Variants in MED21 observed in about 807,000 individuals in gnomAD.
MED21 encodes mediator complex subunit 21.
MED21 carries 9 observed loss-of-function variants against 18.2 expected under a neutral mutation model. That is an observed-to-expected ratio of 0.49 (90% confidence interval 0.30 to 0.86). The LOEUF is 0.86. MED21 is among the 40% of genes least tolerant of loss of function. The pLI is 0.07. For synonymous variants in MED21, 73 were observed against 60.5 expected (o/e 1.21, Z -0.96); for missense variants, 150 against 170.9 (o/e 0.88, Z 0.68).
intron 1 of MED21, 140 bp downstream of exon 1, chr12:27,022,761 G>GGCGC (rs1418477813): frequency 3.2e-6 from 5 of 1,545,852 alleles, no homozygotes; most frequent in Non-Finnish European, 4.4e-6. Context: ...TCTCTCGGGA[G>GGCGC]GCGCCACCGC....
downstream of MED21, among the ~76,000 whole-genome samples, chr12:27,032,935 G>A (rs183966591): frequency 6.6e-6 from 1 of 152,288 alleles, no homozygotes; most frequent in East Asian, 1.9e-4. Context: ...CTAGCCACCA[G>A]GAAGGACATT....
downstream of MED21, among the ~76,000 whole-genome samples, chr12:27,032,299 G>A (rs1320833970): frequency 3.9e-5 from 6 of 152,148 alleles, no homozygotes; most frequent in Admixed American, 3.9e-4. Context: ...TTGGGGGCTG[G>A]GCAAGGTAAC....
At chr12:27,024,723 C>G (rs1018318332) in intron 1 of MED21, among the ~76,000 whole-genome samples, 4 of 152,162 alleles carry the variant, frequency 2.6e-5, no homozygotes, top group African/African-American at 4.8e-5. Flanking sequence ...TGAGTGCCTA[C>G]TGTGTGTAAG....
chr12:27,023,309 T>TTTTTTTTTTTTTTTTTC, intron 1 of MED21, among the ~76,000 whole-genome samples: 1 of 145,746 alleles, frequency 6.9e-6, no homozygotes, highest in Non-Finnish European at 1.5e-5. Flanking sequence ...TCTTTTTTTT[T>TTTTTTTTTTTTTTTTTC]TTTTTTTTAC....
At chr12:27,026,302 G>C in intron 1 of MED21, 118 bp from the exon 2 acceptor site, 1 of 602,268 alleles carries the variant, frequency 1.7e-6, no homozygotes, top group Non-Finnish European at 2.9e-6. Flanking sequence ...ACTCCTTTCT[G>C]TTTTATTCCC....
At position 27,030,110 on chromosome 12, in the gene MED21, A is replaced by G. The variant is rs1391713794; in HGVS notation, c.*1649A>G. On this transcript the variant is annotated 3_prime_UTR_variant, in exon 4 of 4. Coordinates refer to ENST00000282892, the MANE Select transcript of MED21 (RefSeq NM_004264.5). The stretch of plus-strand genomic sequence containing the variant: ...AACGTTGTTGTATGTGATTCTCTGT[A>G]GAGGATATACAGTTTTTTTTTGTTG... 5.2e-6 allele frequency: 3 copies of G among 580,422 alleles called. No individual in the cohort carries two copies. Among genetic ancestry groups the G allele is most frequent in the Non-Finnish European group, 9.3e-6 (3 of 321,350 alleles). The allele number at this position is 580,422 out of a possible 1,614,324, so 36.0% of individuals were successfully genotyped here. A position where few individuals can be genotyped will look rare whatever the true frequency, so the allele number is the denominator to read the frequency against.
chr12:27,028,143 T>G (rs1461202690), intron 3 of MED21, 142 bp from the exon 4 acceptor site: 1 of 1,105,316 alleles, frequency 9.0e-7, no homozygotes, highest in African/African-American at 1.6e-5. Context: ...GGAAAATTCT[T>G]AAAAGTTGTC....
downstream of MED21, among the ~76,000 whole-genome samples, chr12:27,035,129 C>G (rs1941641363): frequency 6.6e-6 from 1 of 152,104 alleles, no homozygotes; most frequent in African/African-American, 2.4e-5. Flanking sequence ...TCGCTTAAGC[C>G]TGGGAGGTAC....
downstream of MED21, among the ~76,000 whole-genome samples, chr12:27,034,401 A>G (rs1352883368): frequency 6.6e-6 from 1 of 152,186 alleles, no homozygotes; most frequent in African/African-American, 2.4e-5. Context: ...CAGCCTGGGC[A>G]ACAAGGGCAA....
downstream of MED21, among the ~76,000 whole-genome samples, chr12:27,033,760 AAAG>A (rs1941633419): frequency 6.6e-6 from 1 of 152,244 alleles, no homozygotes. Context: ...TCAGGAGTCA[AAAG>A]AAGAAATCAG....
intron 2 of MED21, among the ~76,000 whole-genome samples, chr12:27,036,773 C>G (rs1311424630): frequency 4.6e-5 from 7 of 152,104 alleles, no homozygotes; most frequent in Admixed American, 1.3e-4. Flanking sequence ...ATTTCTGAGG[C>G]CTCTGTTCTG....
rs775113307 is a variant in MED21, at chr12:27,026,506, CA to C, written c.132del (p.Asp45ThrfsTer17). On this transcript the variant is annotated frameshift_variant, in exon 2 of 4. Coordinates refer to ENST00000282892, the MANE Select transcript of MED21 (RefSeq NM_004264.5). LOFTEE classifies it high-confidence loss of function. The part of the protein sequence containing the change: ...SFNNIQTAIN[K>X]DQPANPTEEY... ...TCAATAATATTCAGACAGCAATTAA[CA>C]AAGACCAGCCAGCTAACCCTACAGA... The C allele has an allele frequency of 1.2e-6, 2 of 1,613,542 alleles. No homozygotes were observed.
chr12:27,024,221 T>C (rs747397462), intron 1 of MED21, among the ~76,000 whole-genome samples: 2 of 152,210 alleles, frequency 1.3e-5, no homozygotes, highest in Admixed American at 6.5e-5. Context: ...TGATTGTGAT[T>C]TAATGTCCTA....
intron 1 of MED21, among the ~76,000 whole-genome samples, chr12:27,025,619 A>G (rs995755547): frequency 1.4e-4 from 22 of 152,194 alleles, no homozygotes; most frequent in African/African-American, 5.3e-4. Flanking sequence ...ATCTGAAGTT[A>G]GATTGGTTGA....
downstream of MED21, among the ~76,000 whole-genome samples, chr12:27,032,033 C>T (rs1565481904): frequency 2.0e-5 from 3 of 152,188 alleles, no homozygotes; most frequent in African/African-American, 7.2e-5. Context: ...GGACCAAAAA[C>T]GACGGATGTG....
In MED21 at chr12:27,028,386, C is replaced by T. The variant is rs548820731; in HGVS notation, c.360C>T (p.Ser120=). ...RGDMLLEKIQ[S]ALADIAQSQL... ...ACATGCTTCTGGAGAAGATACAAAGCGCACTTGCTGATATTGCACAGTCAC... is the reference window on the plus strand; with the variant it reads ...ACATGCTTCTGGAGAAGATACAAAGTGCACTTGCTGATATTGCACAGTCAC... The change falls in exon 4 of 4, where the codon AGC becomes AGT. Residue 120 remains serine (S), a synonymous_variant. Coordinates refer to ENST00000282892, the MANE Select transcript of MED21 (RefSeq NM_004264.5). The T allele has an allele frequency of 7.0e-5, 113 of 1,614,104 alleles. No individual in the cohort carries two copies. The highest frequency in any genetic ancestry group is 2.2e-4 in the East Asian group (10 of 44,868).
downstream of MED21, among the ~76,000 whole-genome samples, chr12:27,031,805 G>A (rs184628910): frequency 1.6e-3 from 240 of 152,238 alleles, 1 homozygote; most frequent in Middle Eastern, 0.01. Context: ...AGAATGAAAG[G>A]AGAAAGAGGA....
At chr12:27,033,058 A>G (rs1015765132), downstream of MED21, among the ~76,000 whole-genome samples, 1 of 151,992 alleles carries the variant, frequency 6.6e-6, no homozygotes, top group South Asian at 2.1e-4. Context: ...TTTCTATCTG[A>G]TCTTTGAGAT....
chr12:27,029,176 G>A lies in MED21; in HGVS notation c.*715G>A, dbSNP rs1326940718. On this transcript the variant is annotated 3_prime_UTR_variant, in exon 4 of 4. Transcript: ENST00000282892. Reference sequence around the variant, plus strand: ...TCCTTAATTTGCTTGTCATCACAATGAAGTATGTTTTTTGAATCATCAATT... The same window carrying A: ...TCCTTAATTTGCTTGTCATCACAATAAAGTATGTTTTTTGAATCATCAATT... The A allele has an allele frequency of 1.0e-6, 1 of 985,134 alleles. No individual in the cohort carries two copies. The highest frequency in any genetic ancestry group is 1.7e-5 in the African/African-American group (1 of 57,276). The allele number at this position is 985,134 out of a possible 1,614,324, so 61.0% of individuals were successfully genotyped here. A position where few individuals can be genotyped will look rare whatever the true frequency, so the allele number is the denominator to read the frequency against.
Sources: gnomAD v4.1 joint callset for allele counts (sites outside exome capture counted in the v4.1 genomes callset) on GRCh38, gnomAD v4.1.1 for gene constraint, MANE v1.5 for transcripts, NCBI Gene and HGNC (gene_info 2026-07-23, HGNC 2026-07-21) for gene names.